Variants in DOC2A observed in about 807,000 individuals in gnomAD.
The protein encoded by DOC2A is double C2-like domain-containing protein alpha.
DOC2A carries 28 observed loss-of-function variants against 40.6 expected under a neutral mutation model. The ratio of observed to expected loss-of-function variants is 0.69; its 90% CI spans 0.51 to 0.95. The LOEUF is 0.95. DOC2A is among the 40% of genes least tolerant of loss of function. The pLI is 0.00. For missense variants in DOC2A, 474 were observed against 552.5 expected, an observed-to-expected ratio of 0.86 and a Z score of 1.42; for synonymous variants, 241 against 236.9, an observed-to-expected ratio of 1.02 and a Z score of -0.16.
chr16:30,007,065 G>A lies in DOC2A; in HGVS notation c.680C>T (p.Ala227Val), dbSNP rs202009086. 44 of 1,614,026 alleles carry A rather than the reference G, an allele frequency of 2.7e-5. 1 individual carries two copies. In the African/African-American group the frequency reaches 4.7e-4, roughly 17 times the overall value. ...VPLASPSSMS[A>V]ALRGISCYLK... is the part of the protein sequence containing the mutation. ...ATAACAGGAGATGCCCCTCAGCGCC[G>A]CTGACATGGAAGAGGGGGACGCCAG... The change falls in exon 7 of 11, where the codon GCG becomes GTG. Residue 227 changes from alanine (A) to valine (V), a missense_variant. Ala to Val is a moderately conservative substitution (Grantham distance 64, BLOSUM62 0). Coordinates refer to ENST00000350119, the MANE Select transcript of DOC2A (RefSeq NM_003586.3).
upstream of DOC2A, among the ~76,000 whole-genome samples, chr16:30,016,413 C>G (rs749341318): frequency 1.3e-5 from 2 of 152,120 alleles, no homozygotes; most frequent in African/African-American, 2.4e-5. Context: ...AGAAAGGAAG[C>G]AGGACGAAGG....
At chr16:30,020,740 G>A (rs1208139528) in intron 1 of DOC2A, among the ~76,000 whole-genome samples, 3 of 152,044 alleles carry the variant, frequency 2.0e-5, no homozygotes, top group South Asian at 2.1e-4. Flanking sequence ...CTGGCTACTC[G>A]GGAGGCTGAG....
In DOC2A at chr16:30,009,936, G is replaced by A. The variant is rs780837427; in HGVS notation, c.262+25C>T. 27 of 1,610,318 alleles carry A rather than the reference G, an allele frequency of 1.7e-5. No homozygotes were observed. The highest frequency in any genetic ancestry group is 4.5e-4 in the Middle Eastern group (2 of 4,482). On this transcript the variant is annotated intron_variant, in intron 2 of 10. Coordinates refer to ENST00000350119, the MANE Select transcript of DOC2A (RefSeq NM_003586.3). This position sits in a 1 kb window ranked among gnomAD's most constrained non-coding sequence, Gnocchi z 4.1. ...AGCCTGGAGACCCCCACCAGCACAT[G>A]GGGCCTCCAAGCCCCCAGACTCACT...
chr16:30,009,836 A>AC lies in DOC2A; in HGVS notation c.262+124dup, dbSNP rs1040747731. The AC allele has an allele frequency of 4.8e-5, 41 of 854,320 alleles. No individual in the cohort carries two copies. Among genetic ancestry groups the AC allele is most frequent in the African/African-American group, 1.2e-4 (7 of 58,606 alleles). 52.9% of individuals were successfully genotyped at this position (854,320 alleles called of 1,614,324 possible). A position where few individuals can be genotyped will look rare whatever the true frequency, so the allele number is the denominator to read the frequency against. On this transcript the variant is annotated intron_variant, in intron 2 of 10. Coordinates refer to ENST00000350119, the MANE Select transcript of DOC2A (RefSeq NM_003586.3). The surrounding 1 kb of genome is among the most constrained non-coding windows in gnomAD (Gnocchi z 4.1). ...TGCAGCTGTGGTGGCCGTCCCTGCCACCCCCCCACTGCCCTCCTCCCCTAC... is the reference window on the plus strand; with the variant it reads ...TGCAGCTGTGGTGGCCGTCCCTGCCACCCCCCCCACTGCCCTCCTCCCCTAC...
At chr16:30,013,563 C>T (rs2070818813), upstream of DOC2A, 1 of 134,384 alleles carries the variant, frequency 7.4e-6, no homozygotes, top group South Asian at 2.3e-4. Flanking sequence ...ATAATCACTC[C>T]ACTGCACTCC....
upstream of DOC2A, among the ~76,000 whole-genome samples, chr16:30,021,944 G>C (rs2070916222): frequency 6.6e-6 from 1 of 151,934 alleles, no homozygotes; most frequent in Non-Finnish European, 1.5e-5. Flanking sequence ...CGTGTATAAG[G>C]GAGGCAAGAG....
Position 30,019,518 on chromosome 16 carries a change from C to T in DOC2A, c.-376+1665G>A, listed in dbSNP as rs1170034384. Among the ~76,000 whole-genome samples, 12 of 152,112 alleles carry T rather than the reference C, an allele frequency of 7.9e-5. 1 individual carries two copies. Among genetic ancestry groups the T allele is most frequent in the Admixed American group, 1.3e-4 (2 of 15,266 alleles). On this transcript the variant is annotated intron_variant, in intron 1 of 5. Coordinates refer to the DOC2A transcript ENST00000574405. ...GCCAGTGCGTAGCAGGAGCTCAGCACGTTTATGTCATGGATGAATAAATGG... is the reference window on the plus strand; with the variant it reads ...GCCAGTGCGTAGCAGGAGCTCAGCATGTTTATGTCATGGATGAATAAATGG...
chr16:30,021,363 G>A (rs1160023626), upstream of DOC2A: 2 of 152,252 alleles, frequency 1.3e-5, no homozygotes, highest in Non-Finnish European at 2.9e-5. Flanking sequence ...TGACAGACAG[G>A]CCCACCTGCC....
At chr16:30,017,610 G>A (rs1423923082) in intron 1 of DOC2A, among the ~76,000 whole-genome samples, 1 of 152,128 alleles carries the variant, frequency 6.6e-6, no homozygotes, top group East Asian at 1.9e-4. Context: ...ACATAAAGAT[G>A]AGAATAACAG....
intron 5 of DOC2A, 69 bp downstream of exon 5, chr16:30,008,926 CA>C (rs1596702440): frequency 9.2e-7 from 1 of 1,082,214 alleles, no homozygotes; most frequent in East Asian, 2.4e-5. Context: ...GGACATAGAT[CA>C]ACCAACCAGC....
chr16:30,008,445 A>C (rs2150954339), intron 5 of DOC2A: 1 of 159,230 alleles, frequency 6.3e-6, no homozygotes, highest in Admixed American at 5.9e-5. Context: ...CAACAGGAAA[A>C]GTTCAGGAGT....
chr16:30,011,382 A>G (rs1050816617), upstream of DOC2A: 2 of 984,700 alleles, frequency 2.0e-6, no homozygotes, highest in Non-Finnish European at 1.2e-6. Flanking sequence ...TCCCTGCGCC[A>G]CCAGGAAGCA....
intron 6 of DOC2A, 35 bp from the exon 7 acceptor site, chr16:30,007,125 C>A (rs367662928): frequency 7.4e-6 from 12 of 1,613,542 alleles, no homozygotes; most frequent in Non-Finnish European, 9.3e-6. Context: ...GGAAGCCTGG[C>A]CTCCCCAGGG....
Position 30,010,198 on chromosome 16 carries a change from T to A in DOC2A, c.25A>T (p.Met9Leu), listed in dbSNP as rs749341101. 4 of 1,613,844 alleles carry A rather than the reference T, an allele frequency of 2.5e-6. No individual in the cohort carries two copies. The highest frequency in any genetic ancestry group is 3.3e-5 in the Admixed American group (2 of 60,008). Residue 9 changes from methionine (M) to leucine (L), a missense_variant, in exon 2 of 11, where the codon ATG becomes TTG. Transcript: ENST00000350119. This position sits in a 1 kb window ranked among gnomAD's most constrained non-coding sequence, Gnocchi z 4.2. Reference protein sequence around the residue: MRGRRGDRMTINIQEHMAI... With the variant: MRGRRGDRLTINIQEHMAI... ...ATGTGCTCCTGGATGTTGATGGTCA[T>A]GCGATCGCCCCTGCGGCCCCTCATG...
chr16:30,008,821 G>A (rs1424273309), intron 5 of DOC2A, 175 bp downstream of exon 5: 1 of 616,794 alleles, frequency 1.6e-6, no homozygotes, highest in Non-Finnish European at 2.9e-6. Context: ...GAGATATTGA[G>A]GGGCAGGAAT....
chr16:30,018,702 C>T, intron 1 of DOC2A: 1 of 152,118 alleles, frequency 6.6e-6, no homozygotes, highest in East Asian at 1.9e-4. Context: ...GTCTGGAGCT[C>T]CAAGGAGAGG....
At chr16:30,020,153 CT>C (rs1273243554) in intron 1 of DOC2A, among the ~76,000 whole-genome samples, 36 of 152,114 alleles carry the variant, frequency 2.4e-4, no homozygotes, top group African/African-American at 8.2e-4. Flanking sequence ...AGGTGATCCA[CT>C]TGCCTCGGCC....
chr16:30,011,438 G>A, upstream of DOC2A: 9 of 984,588 alleles, frequency 9.1e-6, no homozygotes, highest in Non-Finnish European at 1.1e-5. Context: ...TGGGAGACCT[G>A]GCCCCCCGCC....
rs1218639738 is a variant in DOC2A, at chr16:30,006,334, G to C, written c.1058-3C>G. 7 of 1,612,116 alleles carry C rather than the reference G, an allele frequency of 4.3e-6. No homozygotes were observed. Among genetic ancestry groups the C allele is most frequent in the Non-Finnish European group, 5.9e-6 (7 of 1,179,716 alleles). On this transcript the variant is annotated splice_region_variant and splice_polypyrimidine_tract_variant and intron_variant, in intron 10 of 10. Transcript: ENST00000350119. This position sits in a 1 kb window ranked among gnomAD's most constrained non-coding sequence, Gnocchi z 6.2. Reference sequence around the variant, plus strand: ...ACCTGGCCCCAGGGACACGCCACCTGGGGAGCAGGTGGGCAGGGTCAGGGC... The same window carrying C: ...ACCTGGCCCCAGGGACACGCCACCTCGGGAGCAGGTGGGCAGGGTCAGGGC...
Sources: allele counts gnomAD v4.1 joint callset (sites outside exome capture counted in the v4.1 genomes callset), GRCh38; gene constraint gnomAD v4.1.1; non-coding constraint Gnocchi (gnomAD v3.1); transcripts MANE v1.5; gene names NCBI Gene and HGNC (gene_info 2026-07-23, HGNC 2026-07-21).